The following PSEN1 variants were observed in gnomAD, a reference collection of about 807,000 sequenced individuals.
PSEN1 encodes the protein presenilin 1, also known as presenilin-1.
PSEN1 carries 15 observed loss-of-function variants against 53.5 expected under a neutral mutation model. The observed-to-expected ratio is 0.28, with a 90% CI of 0.19 to 0.43. The LOEUF is 0.43. PSEN1 is among the 20% of genes least tolerant of loss of function. The probability of loss-of-function intolerance (pLI) is 1.00; values close to 1 mark genes in which losing one functional copy is unlikely to be tolerated. For synonymous variants in PSEN1, 208 were observed against 209.8 expected (o/e 0.99, Z 0.08); for missense variants, 387 against 571.2 (o/e 0.68, Z 3.29).
At chr14:73,186,731 C>T (rs1231967047) in intron 5 of PSEN1, 122 bp from the exon 6 acceptor site, 9 of 807,280 alleles carry the variant, frequency 1.1e-5, no homozygotes, top group Non-Finnish European at 1.9e-5. Context: ...GAGCTGAGAT[C>T]GTGCCACTGC....
chr14:73,204,067 C>T (rs1021939040), intron 8 of PSEN1, among the ~76,000 whole-genome samples: 9 of 152,134 alleles, frequency 5.9e-5, no homozygotes, highest in South Asian at 2.1e-4. Context: ...GGCACGATCT[C>T]GGCTCACCAC....
chr14:73,218,628 G>A lies in PSEN1; in HGVS notation c.1249-506G>A, dbSNP rs145930949. ...TCATGCTTCACGGAGGAGCCTGTGC[G>A]GGAAGAATGCTCCCACACAGCATAA... On this transcript the variant is annotated intron_variant, in intron 11 of 11. Coordinates refer to ENST00000324501, the MANE Select transcript of PSEN1 (RefSeq NM_000021.4). Among the ~76,000 whole-genome samples, 43 of 151,870 alleles carry A rather than the reference G, an allele frequency of 2.8e-4. 1 individual carries two copies. The East Asian group carries it at 7.4e-3, about 26-fold the overall frequency.
intron 5 of PSEN1, among the ~76,000 whole-genome samples, chr14:73,177,467 C>T (rs1267619083): frequency 6.6e-6 from 1 of 152,184 alleles, no homozygotes; most frequent in East Asian, 1.9e-4. Context: ...GCTAGGATTA[C>T]AGGCGTGAGC....
chr14:73,191,309 A>G (rs991108644), intron 6 of PSEN1, among the ~76,000 whole-genome samples: 1 of 152,138 alleles, frequency 6.6e-6, no homozygotes, highest in Non-Finnish European at 1.5e-5. Flanking sequence ...ATGGGATCCT[A>G]TATTTTTTCA....
chr14:73,151,292 A>G (rs1167175338), intron 3 of PSEN1, among the ~76,000 whole-genome samples: 1 of 152,216 alleles, frequency 6.6e-6, no homozygotes, highest in Non-Finnish European at 1.5e-5. Flanking sequence ...ACAATAACTG[A>G]CAGTGCTGCA....
intron 5 of PSEN1, among the ~76,000 whole-genome samples, chr14:73,184,479 C>T (rs1263567718): frequency 9.7e-6 from 1 of 103,308 alleles, no homozygotes; most frequent in Non-Finnish European, 2.1e-5. Flanking sequence ...GCAGAGGCGC[C>T]CCTCACCTCC....
intron 8 of PSEN1, 108 bp downstream of exon 8, chr14:73,198,237 C>A: frequency 1.4e-6 from 1 of 718,678 alleles, no homozygotes; most frequent in Non-Finnish European, 2.5e-6. Context: ...ATCTTAAATG[C>A]ACAGCATTCC....
At chr14:73,166,550 A>C (rs1897722985) in intron 3 of PSEN1, among the ~76,000 whole-genome samples, 1 of 152,248 alleles carries the variant, frequency 6.6e-6, no homozygotes, top group Non-Finnish European at 1.5e-5. Flanking sequence ...TTAATCAGCC[A>C]ATCAAGTTGT....
intron 10 of PSEN1, among the ~76,000 whole-genome samples, chr14:73,214,789 A>G (rs1899844346): frequency 1.3e-5 from 2 of 152,086 alleles, no homozygotes; most frequent in Admixed American, 1.3e-4. Flanking sequence ...GGGAGGGGAA[A>G]TGAAGGGTCG....
Position 73,165,260 on chromosome 14 carries a change from CTG to C in PSEN1, c.88-5534_88-5533del, listed in dbSNP as rs1897675465. Reference sequence around the variant, plus strand: ...CATGAGCCACCACGCCCGGCCCAAACTGTGCTTTTTTTAAATAAAGAAATTAA... The same window carrying C: ...CATGAGCCACCACGCCCGGCCCAAACTGCTTTTTTTAAATAAAGAAATTAA... On this transcript the variant is annotated intron_variant, in intron 3 of 11. Transcript: ENST00000324501. Among the ~76,000 whole-genome samples, 3 of 152,070 alleles carry C rather than the reference CTG, an allele frequency of 2.0e-5. No individual in the cohort carries two copies. The South Asian group carries it at 6.2e-4, about 31-fold the overall frequency.
At chr14:73,189,311 A>G (rs1898628605) in intron 6 of PSEN1, among the ~76,000 whole-genome samples, 1 of 152,218 alleles carries the variant, frequency 6.6e-6, no homozygotes, top group Non-Finnish European at 1.5e-5. Context: ...TGATTACAAA[A>G]TTAAACAAAA....
At chr14:73,160,960 T>G (rs1169852061) in intron 3 of PSEN1, among the ~76,000 whole-genome samples, 1 of 150,356 alleles carries the variant, frequency 6.7e-6, no homozygotes, top group Non-Finnish European at 1.5e-5. Flanking sequence ...TTACCAGATA[T>G]ATGATTTGCT....
chr14:73,136,777 G>A (rs1270213886), intron 1 of PSEN1, 194 bp downstream of exon 1: 2 of 152,562 alleles, frequency 1.3e-5, no homozygotes, highest in Non-Finnish European at 2.9e-5. Context: ...CGGGCTTCGG[G>A]CGCGGCCGGG....
chr14:73,192,030 A>G (rs1293853220), intron 6 of PSEN1, among the ~76,000 whole-genome samples: 2 of 152,070 alleles, frequency 1.3e-5, no homozygotes, highest in African/African-American at 2.4e-5. Flanking sequence ...ACTCATTTTT[A>G]TAGTTATGGC....
intron 1 of PSEN1, chr14:73,136,856 G>C (rs1323564649): frequency 6.5e-6 from 1 of 153,016 alleles, no homozygotes; most frequent in East Asian, 1.9e-4. Flanking sequence ...GGGCGCAGGT[G>C]CCTTGGGCCG....
intron 11 of PSEN1, among the ~76,000 whole-genome samples, chr14:73,217,615 A>G (rs900714343): frequency 1.3e-5 from 2 of 152,128 alleles, no homozygotes; most frequent in Non-Finnish European, 2.9e-5. Flanking sequence ...ATCCTTCCTT[A>G]GTCCCTGGAC....
intron 10 of PSEN1, among the ~76,000 whole-genome samples, chr14:73,214,367 C>G (rs1899823850): frequency 6.6e-6 from 1 of 151,962 alleles, no homozygotes; most frequent in Non-Finnish European, 1.5e-5. Flanking sequence ...CCCACCTCTA[C>G]TAAAAATACA....
intron 3 of PSEN1, among the ~76,000 whole-genome samples, chr14:73,152,591 G>C (rs969786312): frequency 5.3e-5 from 8 of 151,902 alleles, no homozygotes; most frequent in African/African-American, 1.2e-4. Flanking sequence ...CAGTGTGACA[G>C]AGTGAGGCTG....
rs75783609 is a variant in PSEN1 at position 73,166,982 on chromosome 14, G to A, written c.88-3815G>A. On this transcript the variant is annotated intron_variant, in intron 3 of 11. Transcript: ENST00000324501. ...TTTTGTATTGCTATAACAGAATACC[G>A]CAGACTGGGTGATTTATTTATTTAT... Among the ~76,000 whole-genome samples, 253 of 151,714 alleles carry A rather than the reference G, an allele frequency of 1.7e-3. 2 individuals are homozygous for A. Among genetic ancestry groups the A allele is most frequent in the African/African-American group, 5.7e-3 (234 of 41,126 alleles).
Sources: gnomAD v4.1 joint callset for allele counts (sites outside exome capture counted in the v4.1 genomes callset) on GRCh38, gnomAD v4.1.1 for gene constraint, MANE v1.5 for transcripts, NCBI Gene and HGNC (gene_info 2026-07-23, HGNC 2026-07-21) for gene names.